Variants in GDAP1 observed in about 807,000 individuals in gnomAD.
GDAP1 encodes the protein ganglioside induced differentiation associated protein 1, also known as ganglioside-induced differentiation-associated protein 1.
GDAP1 carries 34 observed loss-of-function variants against 40.1 expected under a neutral mutation model. The observed-to-expected ratio is 0.85, with a 90% CI of 0.64 to 1.13. The LOEUF (loss-of-function observed/expected upper bound fraction) is 1.13. GDAP1 is among the 50% of genes most tolerant of loss of function. The probability of loss-of-function intolerance (pLI) is 0.00; values close to 1 mark genes in which losing one functional copy is unlikely to be tolerated. For missense variants in GDAP1, 374 were observed against 433.7 expected (o/e 0.86, Z 1.22); for synonymous variants, 170 against 157.4 (o/e 1.08, Z -0.60).
At chr8:74,373,852 C>G (rs1809798735) in intron 2 of GDAP1, among the ~76,000 whole-genome samples, 1 of 152,288 alleles carries the variant, frequency 6.6e-6, no homozygotes, top group African/African-American at 2.4e-5. Context: ...AAAGGGAATG[C>G]TTCCAGTTTT....
At chr8:74,405,567 C>T (rs1586824553) in intron 2 of GDAP1, among the ~76,000 whole-genome samples, 1 of 149,786 alleles carries the variant, frequency 6.7e-6, no homozygotes, top group Non-Finnish European at 1.5e-5. Context: ...GGCTAAGGAC[C>T]CTCTTTCATG....
At chr8:74,395,915 G>C (rs763556854) in intron 2 of GDAP1, among the ~76,000 whole-genome samples, 3 of 152,196 alleles carry the variant, frequency 2.0e-5, no homozygotes, top group Non-Finnish European at 4.4e-5. Flanking sequence ...GTAAGGCAGG[G>C]TTTACAAGCT....
At chr8:74,360,574 G>A (rs1809315018) in intron 3 of GDAP1, among the ~76,000 whole-genome samples, 1 of 152,238 alleles carries the variant, frequency 6.6e-6, no homozygotes, top group Admixed American at 6.5e-5. Context: ...ACTCAGAAGA[G>A]TGGATTATGG....
rs6985664 is a variant in GDAP1 at position 74,421,084 on chromosome 8, G to T, written c.166-67594G>T. 1.8e-3 allele frequency among the ~76,000 whole-genome samples: 267 copies of T among 152,066 alleles called. 1 individual carries two copies. The highest frequency in any genetic ancestry group is 6.8e-3 in the Middle Eastern group (2 of 294). Reference sequence around the variant, plus strand: ...ATAGATAGATAGATAGACAGATATTGCTATTGTGGACTTAAAAGGATTGCT... The same window carrying T: ...ATAGATAGATAGATAGACAGATATTTCTATTGTGGACTTAAAAGGATTGCT... On this transcript the variant is annotated intron_variant, in intron 2 of 2. Transcript: ENST00000523640.
At chr8:74,398,054 C>T (rs1380567052) in intron 2 of GDAP1, among the ~76,000 whole-genome samples, 1 of 151,366 alleles carries the variant, frequency 6.6e-6, no homozygotes, top group Admixed American at 6.6e-5. Flanking sequence ...TGTAGTTCTC[C>T]TTGAAGAGGT....
chr8:74,463,665 G>A (rs1336647794), intron 2 of GDAP1, among the ~76,000 whole-genome samples: 1 of 152,114 alleles, frequency 6.6e-6, no homozygotes, highest in African/African-American at 2.4e-5. Context: ...GACATATGTA[G>A]CTTTGGAGAG....
At chr8:74,392,179 C>T (rs999505766) in intron 2 of GDAP1, among the ~76,000 whole-genome samples, 6 of 152,118 alleles carry the variant, frequency 3.9e-5, no homozygotes, top group African/African-American at 1.4e-4. Flanking sequence ...AAATCAGATC[C>T]AGTTATTTAG....
downstream of GDAP1, among the ~76,000 whole-genome samples, chr8:74,367,929 A>G (rs2131529168): frequency 6.6e-6 from 1 of 152,308 alleles, no homozygotes; most frequent in South Asian, 2.1e-4. Context: ...AGTGGGGTAG[A>G]GCAGCTCTGT....
Position 74,360,273 on chromosome 8 carries a change from C to T in GDAP1, c.447C>T (p.Asp149=), listed in dbSNP as rs1163571640. 1 of 1,614,010 alleles carries T rather than the reference C, an allele frequency of 6.2e-7. No homozygotes were observed. The part of the protein sequence containing the change: ...GCILHPELTV[D]SMIPAYATTR... ...TTTTACATCCTGAGTTAACTGTGGA[C>T]TCCATGATCCCGGCTTATGCAACTA... The change falls in exon 3 of 6, where the codon GAC becomes GAT. Residue 149 remains aspartate (D), a synonymous_variant. Coordinates refer to ENST00000220822, the MANE Select transcript of GDAP1 (RefSeq NM_018972.4).
In GDAP1 at chr8:74,399,038, T is replaced by G. The variant is rs558726578; in HGVS notation, c.165+47717T>G. On this transcript the variant is annotated intron_variant, in intron 2 of 2. Transcript: ENST00000523640. ...TTTTGGTTGTGTCTCTGCCCGGCTT[T>G]GGTGTCAGGATGATACTGGCCTCAT... Among the ~76,000 whole-genome samples the G allele has an allele frequency of 4.6e-5, 7 of 152,084 alleles. No individual in the cohort carries two copies. In the East Asian group the frequency reaches 1.4e-3, roughly 29 times the overall value.
At position 74,405,119 on chromosome 8, in the gene GDAP1, A is replaced by G. The variant is rs1805620285; in HGVS notation, c.165+53798A>G. On this transcript the variant is annotated intron_variant, in intron 2 of 2. Transcript: ENST00000523640. The stretch of plus-strand genomic sequence containing the variant: ...AAATCGCTGAGGAGGCCTCACAGTC[A>G]TGGCAGAAGAGAAAGGAAGAGCAAA... Among the ~76,000 whole-genome samples the G allele has an allele frequency of 2.0e-5, 3 of 150,202 alleles. 1 individual carries two copies. The highest frequency in any genetic ancestry group is 1.3e-4 in the Admixed American group (2 of 15,256).
At chr8:74,448,062 G>A (rs1806254492) in intron 2 of GDAP1, among the ~76,000 whole-genome samples, 2 of 152,134 alleles carry the variant, frequency 1.3e-5, no homozygotes, top group Non-Finnish European at 2.9e-5. Context: ...TTTAAAATCA[G>A]TTGATTTATT....
chr8:74,395,289 G>C (rs909143512), intron 2 of GDAP1, among the ~76,000 whole-genome samples: 13 of 152,074 alleles, frequency 8.5e-5, no homozygotes, highest in African/African-American at 2.9e-4. Context: ...TAAGTTCAGG[G>C]ACCTGGTCCT....
chr8:74,398,493 A>T (rs1044940276), intron 2 of GDAP1, among the ~76,000 whole-genome samples: 2 of 152,194 alleles, frequency 1.3e-5, no homozygotes, highest in Non-Finnish European at 2.9e-5. Flanking sequence ...GTCATCTGCA[A>T]ACAGGGACAA....
At chr8:74,483,369 T>G (rs1034134169) in intron 2 of GDAP1, among the ~76,000 whole-genome samples, 1 of 152,128 alleles carries the variant, frequency 6.6e-6, no homozygotes, top group Admixed American at 6.5e-5. Context: ...ATTAGGTTGG[T>G]GCAAAAGTAA....
In GDAP1 at chr8:74,389,464, G is replaced by A. The variant is rs1810075408; in HGVS notation, c.165+38143G>A. Among the ~76,000 whole-genome samples, 3 of 152,082 alleles carry A rather than the reference G, an allele frequency of 2.0e-5. No individual in the cohort carries two copies. The South Asian group carries it at 6.2e-4, about 32-fold the overall frequency. ...TAATTAGGCTGGATATGAAATTCTG[G>A]GGTGAAAATTCTTTTCTTTAGGAGT... On this transcript the variant is annotated intron_variant, in intron 2 of 2. Coordinates refer to the GDAP1 transcript ENST00000523640.
At chr8:74,372,650 T>A (rs1214263884) in intron 2 of GDAP1, among the ~76,000 whole-genome samples, 1 of 152,230 alleles carries the variant, frequency 6.6e-6, no homozygotes, top group African/African-American at 2.4e-5. Flanking sequence ...GAGTTCTTTG[T>A]AGATTCTGGA....
At chr8:74,397,148 AGTCTTCTCT>A (rs1398540710) in intron 2 of GDAP1, among the ~76,000 whole-genome samples, 1 of 150,708 alleles carries the variant, frequency 6.6e-6, no homozygotes, top group Non-Finnish European at 1.5e-5. Context: ...GATGCATAAA[AGTCTTCTCT>A]TGAGAAGTGT....
chr8:74,371,926 A>AC (rs1049992919), intron 2 of GDAP1, among the ~76,000 whole-genome samples: 1 of 70,060 alleles, frequency 1.4e-5, no homozygotes, highest in Non-Finnish European at 2.9e-5. Flanking sequence ...CTCCCCCCCC[A>AC]CCCCATGACA....
Sources: gnomAD v4.1 joint callset for allele counts (sites outside exome capture counted in the v4.1 genomes callset) on GRCh38, gnomAD v4.1.1 for gene constraint, MANE v1.5 for transcripts, NCBI Gene and HGNC (gene_info 2026-07-23, HGNC 2026-07-21) for gene names.